NEDD9: variants seen among roughly 807,000 people sequenced by gnomAD.
NEDD9 encodes the protein neural precursor cell expressed, developmentally down-regulated 9.
In NEDD9, 26 loss-of-function variants were observed where a neutral mutation model predicts 76.6. That is an observed-to-expected ratio of 0.34 (90% CI 0.25 to 0.47). The LOEUF is 0.47. NEDD9 is among the 20% of genes least tolerant of loss of function. The pLI is 1.00. For synonymous variants in NEDD9, 392 were observed against 414.2 expected, an observed-to-expected ratio of 0.95 and a Z score of 0.65; for missense variants, 937 against 1,058.5, an observed-to-expected ratio of 0.89 and a Z score of 1.59.
chr6:11,294,723 C>CT, intron 3 of NEDD9, among the ~76,000 whole-genome samples: 1 of 151,806 alleles, frequency 6.6e-6, no homozygotes, highest in East Asian at 1.9e-4. Context: ...CCTCACAACA[C>CT]TTATTAGTGT....
chr6:11,191,019 G>T lies in NEDD9; in HGVS notation c.850C>A (p.Pro284Thr). Residue 284 changes from proline (P) to threonine (T), a missense_variant, in exon 5 of 7, where the codon CCA becomes ACA. By Grantham distance (38) the Pro-to-Thr change is conservative. Coordinates refer to ENST00000379446, the MANE Select transcript of NEDD9 (RefSeq NM_006403.4). ...CGAGCCACCGGTTCTGCAGCTCCTG[G>T]AATGTCACAGTTGTATTTTACATGA... is the stretch of plus-strand genomic sequence containing the variant. ...DLHVKYNCDIPGAAEPVARRH... is the reference protein window; with the variant it reads ...DLHVKYNCDITGAAEPVARRH... The T allele has an allele frequency of 6.2e-7, 1 of 1,614,014 alleles. No homozygotes were observed. Among genetic ancestry groups the T allele is most frequent in the Non-Finnish European group, 8.5e-7 (1 of 1,179,996 alleles).
In NEDD9 at chr6:11,191,142, A is replaced by T. The variant is rs144242924; in HGVS notation, c.727T>A (p.Phe243Ile). Residue 243 changes from phenylalanine to isoleucine, a missense_variant, in exon 5 of 7, where the codon TTC becomes ATC. Coordinates refer to ENST00000379446, the MANE Select transcript of NEDD9 (RefSeq NM_006403.4). Reference sequence around the variant, plus strand: ...CCAGCTTGTCTCATGGGAGGGGGGAAGTCATAGTCTTTTTCCCTAAGCCCT... The same window carrying T: ...CCAGCTTGTCTCATGGGAGGGGGGATGTCATAGTCTTTTTCCCTAAGCCCT... ...EAGLREKDYD[F>I]PPPMRQAGRP... The T allele has an allele frequency of 4.2e-5, 68 of 1,613,852 alleles. No individual in the cohort carries two copies. The highest frequency in any genetic ancestry group is 1.2e-4 in the Admixed American group (7 of 60,002).
At chr6:11,246,370 G>A (rs1290269845) in intron 3 of NEDD9, among the ~76,000 whole-genome samples, 3 of 152,070 alleles carry the variant, frequency 2.0e-5, no homozygotes, top group Admixed American at 2.0e-4. Context: ...GCTGTCATGG[G>A]TTCCAGTGAC....
intron 3 of NEDD9, among the ~76,000 whole-genome samples, chr6:11,248,730 C>A (rs1446462820): frequency 1.3e-5 from 2 of 152,154 alleles, no homozygotes; most frequent in African/African-American, 2.4e-5. Flanking sequence ...GGCACTAAGC[C>A]CCCAGCACAC....
At chr6:11,238,129 G>A (rs577590265) in intron 3 of NEDD9, among the ~76,000 whole-genome samples, 26 of 152,192 alleles carry the variant, frequency 1.7e-4, no homozygotes, top group East Asian at 3.9e-4. Context: ...GAAACCCTCC[G>A]AGGTGCCAGG....
chr6:11,228,412 C>A (rs574601611), intron 1 of NEDD9, among the ~76,000 whole-genome samples: 1 of 152,208 alleles, frequency 6.6e-6, no homozygotes, highest in African/African-American at 2.4e-5. Flanking sequence ...CACCTGTAAT[C>A]CCAGCTACTC....
At chr6:11,268,725 TCACA>T (rs112345199) in intron 3 of NEDD9, among the ~76,000 whole-genome samples, 2 of 135,150 alleles carry the variant, frequency 1.5e-5, no homozygotes, top group East Asian at 2.0e-4. Context: ...CGAAGCTCCA[TCACA>T]CACACACACA....
chr6:11,199,703 C>G (rs974809628), intron 2 of NEDD9: 8 of 111,598 alleles, frequency 7.2e-5, no homozygotes, highest in African/African-American at 2.8e-4. Flanking sequence ...CTCTGTCGCC[C>G]AGGCTGGAGT....
chr6:11,376,180 A>C (rs1762966482), intron 1 of NEDD9, among the ~76,000 whole-genome samples: 1 of 152,216 alleles, frequency 6.6e-6, no homozygotes. Flanking sequence ...TAGTGATGCA[A>C]AACGGACTAA....
chr6:11,240,837 C>T (rs966448059), intron 3 of NEDD9, among the ~76,000 whole-genome samples: 2 of 152,134 alleles, frequency 1.3e-5, no homozygotes, highest in African/African-American at 4.8e-5. Context: ...AAGATTTAGG[C>T]TTATCTCCAT....
intron 3 of NEDD9, among the ~76,000 whole-genome samples, chr6:11,256,232 A>G (rs1044696241): frequency 6.6e-6 from 1 of 152,202 alleles, no homozygotes; most frequent in African/African-American, 2.4e-5. Context: ...CACCTTTCCC[A>G]TGCCAAGCAC....
At chr6:11,344,403 T>A (rs115348762) in intron 1 of NEDD9, among the ~76,000 whole-genome samples, 1 of 152,164 alleles carries the variant, frequency 6.6e-6, no homozygotes, top group African/African-American at 2.4e-5. Context: ...GGACAAAATA[T>A]CAGCAGCATC....
At chr6:11,308,696 A>C (rs1391737565) in intron 2 of NEDD9, among the ~76,000 whole-genome samples, 3 of 152,106 alleles carry the variant, frequency 2.0e-5, no homozygotes, top group Admixed American at 2.0e-4. Context: ...ACAGCTTGTT[A>C]GTTTAATTTA....
intron 3 of NEDD9, among the ~76,000 whole-genome samples, chr6:11,303,686 C>G (rs183330642): frequency 6.6e-6 from 1 of 152,166 alleles, no homozygotes; most frequent in Non-Finnish European, 1.5e-5. Context: ...CTTTGGCAAA[C>G]CTGAAAAAAA....
rs183268795 is a variant in NEDD9 at position 11,186,255 on chromosome 6, T to C, written c.1996-584A>G. 2.2e-4 allele frequency among the ~76,000 whole-genome samples: 34 copies of C among 152,280 alleles called. No individual in the cohort carries two copies. In the Middle Eastern group the frequency reaches 0.02, roughly 91 times the overall value. Reference sequence around the variant, plus strand: ...ACAGGAAGATTAATGCATATAAATATATGAGCACTTAAGGAAAAAAAGTTT... The same window carrying C: ...ACAGGAAGATTAATGCATATAAATACATGAGCACTTAAGGAAAAAAAGTTT... On this transcript the variant is annotated intron_variant, in intron 6 of 6. Coordinates refer to ENST00000379446, the MANE Select transcript of NEDD9 (RefSeq NM_006403.4).
chr6:11,311,865 TTGC>T (rs1761382529), intron 2 of NEDD9, among the ~76,000 whole-genome samples: 1 of 152,180 alleles, frequency 6.6e-6, no homozygotes, highest in African/African-American at 2.4e-5. Flanking sequence ...CCAACATCCC[TTGC>T]TCTAAATCCT....
At chr6:11,221,683 A>C (rs1296958675) in intron 1 of NEDD9, among the ~76,000 whole-genome samples, 1 of 152,184 alleles carries the variant, frequency 6.6e-6, no homozygotes, top group Non-Finnish European at 1.5e-5. Context: ...GTTGCTATTA[A>C]GCCTTGGAAT....
chr6:11,201,056 A>T, intron 2 of NEDD9: 1 of 1,614,202 alleles, frequency 6.2e-7, no homozygotes. Context: ...CCTAGAGACA[A>T]AGCATTTTCT....
intron 2 of NEDD9, chr6:11,200,849 G>A (rs1296321114): frequency 3.2e-6 from 5 of 1,550,836 alleles, no homozygotes; most frequent in Non-Finnish European, 3.5e-6. Context: ...ACGCCAATGG[G>A]AAACCCCAGG....
Sources: gnomAD v4.1 joint callset for allele counts (sites outside exome capture counted in the v4.1 genomes callset) on GRCh38, gnomAD v4.1.1 for gene constraint, MANE v1.5 for transcripts, NCBI Gene and HGNC (gene_info 2026-07-23, HGNC 2026-07-21) for gene names.